KIAA1210: variants seen among roughly 807,000 people sequenced by gnomAD.
The protein encoded by KIAA1210 is acrosomal protein KIAA1210.
In KIAA1210, 48 loss-of-function variants were observed where a neutral mutation model predicts 78.9. The ratio of observed to expected loss-of-function variants is 0.61; its 90% CI spans 0.48 to 0.77. KIAA1210 has a LOEUF of 0.77. Among genes scored for constraint, KIAA1210 ranks in the 30% least tolerant of loss-of-function variants. The pLI, the probability that KIAA1210 is intolerant of heterozygous loss-of-function variation, is 0.00. For missense variants in KIAA1210, 1,108 were observed against 1,100.0 expected (o/e 1.01, Z -0.10); for synonymous variants, 406 against 404.5 (o/e 1.00, Z -0.04).
chrX:119,081,652 T>C, intron 11 of KIAA1210, 148 bp from the exon 12 acceptor site: 1 of 553,405 alleles, frequency 1.8e-6, no homozygotes, highest in East Asian at 3.8e-5. Context: ...CTCCCTTTGG[T>C]GCCAGACTTC....
chrX:119,147,873 C>T (rs754796330), intron 1 of KIAA1210, among the ~76,000 whole-genome samples: 8 of 112,245 alleles, frequency 7.1e-5, no homozygotes, highest in Non-Finnish European at 1.1e-4. Flanking sequence ...GGGCTAGGCA[C>T]GGTGGTTCAT....
intron 3 of KIAA1210, among the ~76,000 whole-genome samples, chrX:119,109,876 C>T (rs777273647): frequency 8.9e-6 from 1 of 111,866 alleles, no homozygotes; most frequent in African/African-American, 3.2e-5. Flanking sequence ...CACCTCCCTT[C>T]CCCAAGCTTG....
upstream of KIAA1210, among the ~76,000 whole-genome samples, chrX:119,131,814 G>A (rs1400307921): frequency 3.6e-5 from 4 of 112,198 alleles, no homozygotes; most frequent in South Asian, 3.7e-4. Flanking sequence ...AGTGGCTCAC[G>A]CCTATAATCC....
rs1478918558 is a variant in KIAA1210 at position 119,120,167 on chromosome X, A to G, written c.61+3415T>C. ...CTGGGCAAGGAAGTGAGATCCTTCT[A>G]CCTCTGCCTCCCAAGGTGCCAGGAT... On this transcript the variant is annotated intron_variant, in intron 2 of 11. Transcript: ENST00000691062. Among the ~76,000 whole-genome samples, 7 of 110,779 alleles carry G rather than the reference A, an allele frequency of 6.3e-5. No individual in the cohort carries two copies. The East Asian group carries it at 2.0e-3, about 31-fold the overall frequency.
In KIAA1210 at chrX:119,116,500, C is replaced by A; in HGVS notation, c.226G>T (p.Ala76Ser). ...QPVRENQPTK[A>S]RAKSSMGSKA... ...CTCCACCGCATCTGAGCTCACCTGGCCTTAGTTGGTTGATTTTCCCGAACG... is the reference window on the plus strand; with the variant it reads ...CTCCACCGCATCTGAGCTCACCTGGACTTAGTTGGTTGATTTTCCCGAACG... The change falls in exon 3 of 12, where the codon GCC (alanine) becomes TCC (serine). Residue 76 changes from alanine (A) to serine (S), a missense_variant. Transcript: ENST00000691062. The A allele has an allele frequency of 8.3e-7, 1 of 1,210,571 alleles. No homozygotes were observed. Among genetic ancestry groups the A allele is most frequent in the Non-Finnish European group, 1.1e-6 (1 of 894,901 alleles).
chrX:119,100,107 G>A (rs751427649), intron 6 of KIAA1210, among the ~76,000 whole-genome samples: 21 of 110,013 alleles, frequency 1.9e-4, no homozygotes, highest in Non-Finnish European at 4.0e-4. Context: ...CAGATCGCGA[G>A]GTCAGGAGAT....
At position 119,092,811 on chromosome X, in the gene KIAA1210, C is replaced by T. The variant is rs769514292; in HGVS notation, c.955+856G>A. On this transcript the variant is annotated intron_variant, in intron 8 of 11. Coordinates refer to ENST00000691062, the MANE Select transcript of KIAA1210 (RefSeq NM_001394962.1). The stretch of plus-strand genomic sequence containing the variant: ...AATAAATAAATAAATAAAAATAAAG[C>T]TCAAAAAGACAAAAGAGTACTCATT... 1.0e-4 allele frequency among the ~76,000 whole-genome samples: 10 copies of T among 96,880 alleles called. No homozygotes were observed. In the South Asian group the frequency reaches 4.5e-3, roughly 44 times the overall value. 84.1% of individuals were successfully genotyped at this position (96,880 alleles called of 115,157 possible).
intron 6 of KIAA1210, among the ~76,000 whole-genome samples, chrX:119,097,263 C>T (rs765968421): frequency 9.0e-6 from 1 of 111,657 alleles, no homozygotes; most frequent in South Asian, 3.8e-4. Flanking sequence ...ATGCTCTAAC[C>T]TCCAGTGGGA....
At chrX:119,090,644 T>G (rs1927340893) in intron 8 of KIAA1210, among the ~76,000 whole-genome samples, 1 of 110,374 alleles carries the variant, frequency 9.1e-6, no homozygotes, top group African/African-American at 3.3e-5. Context: ...CCTTTTCTTC[T>G]TTTTTTCTAC....
At chrX:119,096,851 T>A (rs912755181) in intron 6 of KIAA1210, among the ~76,000 whole-genome samples, 160 bp from the exon 7 acceptor site, 2 of 112,251 alleles carry the variant, frequency 1.8e-5, no homozygotes, top group Non-Finnish European at 3.8e-5. Context: ...TCATTAGAGG[T>A]AAGCTCCATA....
chrX:119,103,436 A>G (rs1342418985), intron 6 of KIAA1210, among the ~76,000 whole-genome samples: 2 of 111,895 alleles, frequency 1.8e-5, no homozygotes, highest in African/African-American at 3.3e-5. Context: ...TAAAACAGGA[A>G]CCTAACAAGT....
intron 2 of KIAA1210, among the ~76,000 whole-genome samples, chrX:119,144,792 C>T (rs1312181587): frequency 8.9e-6 from 1 of 112,129 alleles, no homozygotes; most frequent in Non-Finnish European, 1.9e-5. Context: ...ATTTGATACT[C>T]ACCATCCTGA....
At chrX:119,141,793 A>C (rs1174596015) in intron 2 of KIAA1210, among the ~76,000 whole-genome samples, 1 of 112,160 alleles carries the variant, frequency 8.9e-6, no homozygotes, top group East Asian at 2.8e-4. Flanking sequence ...TAATCCCTTC[A>C]TGCCTCAGTT....
At chrX:119,137,513 G>T (rs1373497404) in intron 2 of KIAA1210, among the ~76,000 whole-genome samples, 2 of 112,516 alleles carry the variant, frequency 1.8e-5, no homozygotes, top group Non-Finnish European at 3.8e-5. Flanking sequence ...TCTCACATTT[G>T]TAAAATAAGA....
intron 6 of KIAA1210, 139 bp downstream of exon 6, chrX:119,104,853 A>C (rs1221808813): frequency 1.9e-6 from 1 of 522,920 alleles, no homozygotes; most frequent in Non-Finnish European, 3.0e-6. Context: ...ACCACCATGC[A>C]AATCAAAAGC....
Position 119,150,334 on chromosome X carries a change from GC to G in KIAA1210, c.245del (p.Gly82AlafsTer25). ...GGAATCGCGGTGTGCAGGGCAGGAA[GC>G]CCCGGGAATAACTAGGTATTTCCAG... On this transcript the variant is annotated frameshift_variant, in exon 1 of 14. Transcript: ENST00000402510. LOFTEE classifies it high-confidence loss of function. The G allele has an allele frequency of 8.3e-7, 1 of 1,207,713 alleles. No individual in the cohort carries two copies.
upstream of KIAA1210, among the ~76,000 whole-genome samples, chrX:119,131,932 G>A (rs906432993): frequency 8.9e-6 from 1 of 112,158 alleles, no homozygotes; most frequent in Admixed American, 9.4e-5. Flanking sequence ...AACGTAGCCA[G>A]GCATGGTGGT....
intron 8 of KIAA1210, among the ~76,000 whole-genome samples, chrX:119,091,253 A>G (rs777188772): frequency 4.6e-4 from 52 of 112,426 alleles, no homozygotes; most frequent in Admixed American, 4.5e-3. Context: ...TGTGATAAAA[A>G]GAGCATACTT....
At chrX:119,113,754 T>C (rs1160889048) in intron 3 of KIAA1210, among the ~76,000 whole-genome samples, 2 of 111,367 alleles carry the variant, frequency 1.8e-5, no homozygotes, top group Admixed American at 9.6e-5. Context: ...TATGTTTATA[T>C]AAAAGATGAG....
Sources: gnomAD v4.1 joint callset for allele counts (sites outside exome capture counted in the v4.1 genomes callset) on GRCh38, gnomAD v4.1.1 for gene constraint, MANE v1.5 for transcripts, NCBI Gene and HGNC (gene_info 2026-07-23, HGNC 2026-07-21) for gene names.